Variants in C5orf63 observed in about 807,000 individuals in gnomAD.
The protein encoded by C5orf63 is glutaredoxin-like protein C5orf63.
In C5orf63, 18 loss-of-function variants were observed where a neutral mutation model predicts 13.3. That is an observed-to-expected ratio of 1.36 (90% confidence interval 0.94 to 2.01). The LOEUF is 2.01. C5orf63 is among the 30% of genes most tolerant of loss of function. The pLI, the probability that C5orf63 is intolerant of heterozygous loss-of-function variation, is 0.00. For synonymous variants in C5orf63, 38 were observed against 44.7 expected (o/e 0.85, Z 0.60); for missense variants, 118 against 127.7 (o/e 0.92, Z 0.36).
chr5:127,052,528 T>C, intron 4 of C5orf63, 85 bp downstream of exon 4: 1 of 964,776 alleles, frequency 1.0e-6, no homozygotes, highest in South Asian at 3.1e-5. Context: ...TAATCTCTTT[T>C]CCTAAAGGAA....
At chr5:127,048,946 G>T (rs1221714097), downstream of C5orf63, among the ~76,000 whole-genome samples, 1 of 152,164 alleles carries the variant, frequency 6.6e-6, no homozygotes, top group African/African-American at 2.4e-5. Flanking sequence ...GGTCCTAGGG[G>T]CTACACAATT....
downstream of C5orf63, chr5:127,047,795 A>G: frequency 1.4e-6 from 1 of 703,982 alleles, no homozygotes; most frequent in Non-Finnish European, 2.6e-6. Flanking sequence ...TCAAAACTTA[A>G]GACTTGGTTT....
intron 2 of C5orf63, among the ~76,000 whole-genome samples, 190 bp from the exon 3 acceptor site, chr5:127,059,192 C>G (rs6860157): frequency 0.031 from 4,692 of 152,082 alleles, 93 homozygotes; most frequent in African/African-American, 0.048. Context: ...GTATTCCGAA[C>G]GAAACAGAAT....
intron 2 of C5orf63, among the ~76,000 whole-genome samples, chr5:127,068,057 C>T (rs1754394726): frequency 6.6e-6 from 1 of 151,974 alleles, no homozygotes; most frequent in South Asian, 2.1e-4. Context: ...AACATAAAAC[C>T]CAAAGAGGGA....
chr5:127,063,532 T>C (rs1754188404), intron 2 of C5orf63, among the ~76,000 whole-genome samples: 1 of 152,174 alleles, frequency 6.6e-6, no homozygotes, highest in Non-Finnish European at 1.5e-5. Flanking sequence ...AGAATTTTTA[T>C]TCATACAAAG....
At chr5:127,052,141 C>A (rs1753700949) in intron 4 of C5orf63, among the ~76,000 whole-genome samples, 194 bp from the exon 5 acceptor site, 1 of 152,236 alleles carries the variant, frequency 6.6e-6, no homozygotes, top group South Asian at 2.1e-4. Context: ...ACTTCCTGAT[C>A]TTGCTGCTTT....
intron 3 of C5orf63, among the ~76,000 whole-genome samples, chr5:127,053,282 T>C (rs1393177904): frequency 6.6e-6 from 1 of 152,204 alleles, no homozygotes; most frequent in Non-Finnish European, 1.5e-5. Context: ...CAAACAACTT[T>C]TAGTGTCCAT....
In C5orf63 at chr5:127,058,696, C is replaced by T. The variant is rs1231018516; in HGVS notation, c.114+186G>A. The T allele has an allele frequency of 5.3e-6, 3 of 560,948 alleles. No homozygotes were observed. The African/African-American group carries it at 5.7e-5, about 11-fold the overall frequency. 34.7% of individuals were successfully genotyped at this position (560,948 alleles called of 1,614,324 possible). The stretch of plus-strand genomic sequence containing the variant: ...GATGACCATTAAATACATCAATTTA[C>T]TCTTTGCTAATTGGGAGATAATAAG... On this transcript the variant is annotated intron_variant, in intron 3 of 4. Transcript: ENST00000296662.
chr5:127,066,263 T>A (rs1323593818), intron 2 of C5orf63, among the ~76,000 whole-genome samples: 2 of 152,186 alleles, frequency 1.3e-5, no homozygotes, highest in African/African-American at 4.8e-5. Flanking sequence ...ATTGAGATTT[T>A]ATTCTAAGTA....
downstream of C5orf63, chr5:127,046,485 C>A (rs982407746): frequency 3.3e-5 from 5 of 152,204 alleles, no homozygotes; most frequent in Non-Finnish European, 7.3e-5. Context: ...GTGAACTTAC[C>A]AATGTGTCCC....
At chr5:127,061,778 G>A (rs1041336057) in intron 2 of C5orf63, among the ~76,000 whole-genome samples, 16 of 152,046 alleles carry the variant, frequency 1.1e-4, no homozygotes, top group African/African-American at 3.9e-4. Context: ...CATGGGATGT[G>A]GAAAGTCTCT....
downstream of C5orf63, chr5:127,047,723 G>A: frequency 2.8e-6 from 2 of 703,920 alleles, no homozygotes; most frequent in South Asian, 1.5e-5. Context: ...AACATTCTCA[G>A]GCAATAGAAT....
intron 2 of C5orf63, among the ~76,000 whole-genome samples, chr5:127,064,210 A>G (rs933193860): frequency 1.3e-5 from 2 of 152,200 alleles, no homozygotes; most frequent in South Asian, 2.1e-4. Flanking sequence ...CCAAAACTGA[A>G]AATTGAGTAA....
chr5:127,051,163 T>G, downstream of C5orf63: 1 of 405,234 alleles, frequency 2.5e-6, no homozygotes, highest in Non-Finnish European at 4.0e-6. Context: ...TTATATACAT[T>G]TAAGGAGTTT....
At chr5:127,057,139 G>T (rs1580528361) in intron 3 of C5orf63, among the ~76,000 whole-genome samples, 1 of 152,174 alleles carries the variant, frequency 6.6e-6, no homozygotes, top group African/African-American at 2.4e-5. Flanking sequence ...TAGACTCTCA[G>T]ATGATGAAAT....
downstream of C5orf63, chr5:127,044,178 T>C (rs113883091): frequency 3.0e-4 from 46 of 152,332 alleles, no homozygotes; most frequent in South Asian, 2.5e-3. Flanking sequence ...TTTCTAAGGA[T>C]AGAAAGTTTT....
chr5:127,073,388 G>C (rs911058450), intron 1 of C5orf63, 63 bp downstream of exon 1: 3 of 152,274 alleles, frequency 2.0e-5, no homozygotes, highest in African/African-American at 7.2e-5. Flanking sequence ...GCCAGCCTGC[G>C]CGTCAGCTCA....
At position 127,051,580 on chromosome 5, in the gene C5orf63, C is replaced by A; in HGVS notation, c.*191G>T. 1 of 1,249,084 alleles carries A rather than the reference C, an allele frequency of 8.0e-7. No homozygotes were observed. Among genetic ancestry groups the A allele is most frequent in the Non-Finnish European group, 1.0e-6 (1 of 997,448 alleles). 77.4% of individuals were successfully genotyped at this position (1,249,084 alleles called of 1,614,324 possible). A position where few individuals can be genotyped will look rare whatever the true frequency, so the allele number is the denominator to read the frequency against. ...TATGCTCTTCTTATTTTATAAAATG[C>A]CATTAAGCAAACAGTTCCCACACTG... On this transcript the variant is annotated 3_prime_UTR_variant, in exon 5 of 5. Transcript: ENST00000296662.
downstream of C5orf63, among the ~76,000 whole-genome samples, chr5:127,050,018 T>C (rs531657290): frequency 3.9e-5 from 6 of 152,356 alleles, no homozygotes; most frequent in African/African-American, 1.4e-4. Context: ...CACATGATGC[T>C]TGCTTTCTTC....
Sources: gnomAD v4.1 joint callset for allele counts (sites outside exome capture counted in the v4.1 genomes callset) on GRCh38, gnomAD v4.1.1 for gene constraint, MANE v1.5 for transcripts, NCBI Gene and HGNC (gene_info 2026-07-23, HGNC 2026-07-21) for gene names.